GBE1: variants seen among roughly 807,000 people sequenced by gnomAD.
GBE1 encodes the protein 1,4-alpha-glucan branching enzyme 1, also known as 1,4-alpha-glucan-branching enzyme.
A neutral mutation model predicts 88.8 loss-of-function variants in GBE1; 70 were observed. That is an observed-to-expected ratio of 0.79 (90% confidence interval 0.65 to 0.96). GBE1 has a LOEUF of 0.96. Among genes scored for constraint, GBE1 ranks in the 40% least tolerant of loss-of-function variants. The pLI is 0.00. For synonymous variants in GBE1, 284 were observed against 300.1 expected, an observed-to-expected ratio of 0.95 and a Z score of 0.56; for missense variants, 872 against 871.0, an observed-to-expected ratio of 1.00 and a Z score of -0.01.
chr3:81,596,797 A>C (rs1174450622), intron 7 of GBE1, among the ~76,000 whole-genome samples: 1 of 151,956 alleles, frequency 6.6e-6, no homozygotes, highest in African/African-American at 2.4e-5. Flanking sequence ...CCTACCCTCC[A>C]GCAGTCACAT....
intron 14 of GBE1, among the ~76,000 whole-genome samples, chr3:81,511,250 TC>T (rs1192448118): frequency 6.6e-6 from 1 of 152,042 alleles, no homozygotes; most frequent in East Asian, 1.9e-4. Flanking sequence ...GAAATACCTT[TC>T]TTGACATCAG....
intron 2 of GBE1, among the ~76,000 whole-genome samples, chr3:81,695,856 T>C (rs543519324): frequency 6.6e-6 from 1 of 152,252 alleles, no homozygotes; most frequent in African/African-American, 2.4e-5. Flanking sequence ...GATCGCTAAA[T>C]AATACATCTG....
chr3:81,510,283 T>C (rs1448532712), intron 14 of GBE1, among the ~76,000 whole-genome samples: 1 of 152,124 alleles, frequency 6.6e-6, no homozygotes, highest in Non-Finnish European at 1.5e-5. Context: ...AATCTGGAAA[T>C]CTGATTATTT....
intron 5 of GBE1, among the ~76,000 whole-genome samples, chr3:81,648,442 T>C (rs1704798653): frequency 6.6e-6 from 1 of 152,090 alleles, no homozygotes; most frequent in Non-Finnish European, 1.5e-5. Flanking sequence ...GCAGGGGCTA[T>C]ATAAAATAAC....
intron 14 of GBE1, among the ~76,000 whole-genome samples, chr3:81,506,541 G>A (rs1322623945): frequency 6.6e-6 from 1 of 152,066 alleles, no homozygotes; most frequent in African/African-American, 2.4e-5. Context: ...ACAGAAATAC[G>A]ATTTAACCTA....
At chr3:81,529,165 T>C (rs528837320) in intron 14 of GBE1, among the ~76,000 whole-genome samples, 1 of 152,082 alleles carries the variant, frequency 6.6e-6, no homozygotes, top group Admixed American at 6.6e-5. Flanking sequence ...TAACATCATA[T>C]AATCCACTAT....
chr3:81,585,509 T>C (rs1703790907), intron 10 of GBE1, among the ~76,000 whole-genome samples: 2 of 150,930 alleles, frequency 1.3e-5, no homozygotes, highest in African/African-American at 4.9e-5. Context: ...AAACATTAAA[T>C]GAAAAAAAAA....
chr3:81,703,877 A>T (rs1705735679), intron 2 of GBE1, among the ~76,000 whole-genome samples: 1 of 152,014 alleles, frequency 6.6e-6, no homozygotes, highest in South Asian at 2.1e-4. Context: ...TAATCCAGAC[A>T]TGATTGAAAG....
At chr3:81,551,240 A>G (rs528658732) in intron 12 of GBE1, among the ~76,000 whole-genome samples, 9 of 152,362 alleles carry the variant, frequency 5.9e-5, no homozygotes, top group African/African-American at 2.2e-4. Context: ...AATATACATC[A>G]GCATCATCCC....
At chr3:81,695,157 C>A (rs1339263029) in intron 2 of GBE1, among the ~76,000 whole-genome samples, 2 of 152,208 alleles carry the variant, frequency 1.3e-5, no homozygotes, top group Non-Finnish European at 1.5e-5. Flanking sequence ...CAAGCTCCCT[C>A]TTCTCAATTT....
intron 7 of GBE1, among the ~76,000 whole-genome samples, chr3:81,617,817 G>T (rs1704270874): frequency 6.6e-6 from 1 of 151,638 alleles, no homozygotes; most frequent in South Asian, 2.1e-4. Context: ...AAATGTTTCA[G>T]AAAATTGCCC....
chr3:81,682,388 G>GAAGGTC (rs1313090800), intron 2 of GBE1, among the ~76,000 whole-genome samples: 6 of 152,172 alleles, frequency 3.9e-5, no homozygotes, highest in Non-Finnish European at 8.8e-5. Context: ...ATTGAGCCCA[G>GAAGGTC]AAGGTCAAGG....
At chr3:81,756,570 G>GTATT (rs1706604910) in intron 1 of GBE1, among the ~76,000 whole-genome samples, 1 of 152,170 alleles carries the variant, frequency 6.6e-6, no homozygotes, top group Non-Finnish European at 1.5e-5. Flanking sequence ...AGAGTAGAAA[G>GTATT]ACAACTGTAT....
chr3:81,611,917 T>C (rs1329786055), intron 7 of GBE1, among the ~76,000 whole-genome samples: 1 of 152,084 alleles, frequency 6.6e-6, no homozygotes, highest in Non-Finnish European at 1.5e-5. Flanking sequence ...TTTTGAATTA[T>C]GAAAAACAGG....
intron 14 of GBE1, among the ~76,000 whole-genome samples, chr3:81,505,133 C>A (rs1702637075): frequency 6.6e-6 from 1 of 152,148 alleles, no homozygotes; most frequent in African/African-American, 2.4e-5. Context: ...CAACTGAAGA[C>A]AGGCTAAAAT....
intron 12 of GBE1, among the ~76,000 whole-genome samples, chr3:81,567,443 A>G (rs547291872): frequency 1.4e-4 from 22 of 152,318 alleles, no homozygotes; most frequent in African/African-American, 4.1e-4. Context: ...AGAAATACCA[A>G]TTTTATTTAT....
At chr3:81,713,685 C>G (rs1559696547) in intron 1 of GBE1, among the ~76,000 whole-genome samples, 1 of 152,118 alleles carries the variant, frequency 6.6e-6, no homozygotes, top group Admixed American at 6.5e-5. Context: ...TTTTTGAAAA[C>G]TATTTCTTAT....
At chr3:81,537,489 A>G (rs1703093155) in intron 12 of GBE1, among the ~76,000 whole-genome samples, 1 of 152,008 alleles carries the variant, frequency 6.6e-6, no homozygotes, top group Admixed American at 6.6e-5. Context: ...CAATTTCCAA[A>G]GGCTTTGTAT....
In GBE1 at chr3:81,579,766, G is replaced by A. The variant is rs1703696010; in HGVS notation, c.1446+1399C>T. Among the ~76,000 whole-genome samples the A allele has an allele frequency of 1.3e-5, 2 of 150,488 alleles. 1 individual carries two copies. Among genetic ancestry groups the A allele is most frequent in the Admixed American group, 1.3e-4 (2 of 15,004 alleles). Reference sequence around the variant, plus strand: ...TATCTGCTCTACAGACAAGGATAATGTAAATTGAAGTTGATAAGAAAGCAC... The same window carrying A: ...TATCTGCTCTACAGACAAGGATAATATAAATTGAAGTTGATAAGAAAGCAC... On this transcript the variant is annotated intron_variant, in intron 11 of 15. Transcript: ENST00000429644.
Sources: gnomAD v4.1 joint callset for allele counts (sites outside exome capture counted in the v4.1 genomes callset) on GRCh38, gnomAD v4.1.1 for gene constraint, MANE v1.5 for transcripts, NCBI Gene and HGNC (gene_info 2026-07-23, HGNC 2026-07-21) for gene names.